The following SDF2 variants were observed in gnomAD, a reference collection of about 807,000 sequenced individuals.
The protein encoded by SDF2 is stromal cell-derived factor 2.
A neutral mutation model predicts 20.5 loss-of-function variants in SDF2; 12 were observed. That is an observed-to-expected ratio of 0.58 (90% CI 0.37 to 0.95). The LOEUF is 0.95. Among genes scored for constraint, SDF2 ranks in the 40% least tolerant of loss-of-function variants. SDF2 has a pLI of 0.01. For synonymous variants in SDF2, 100 were observed against 101.0 expected, an observed-to-expected ratio of 0.99 and a Z score of 0.06; for missense variants, 238 against 263.1, an observed-to-expected ratio of 0.90 and a Z score of 0.66.
chr17:28,652,399 C>T (rs567950964), intron 2 of SDF2, among the ~76,000 whole-genome samples: 1 of 152,280 alleles, frequency 6.6e-6, no homozygotes, highest in South Asian at 2.1e-4. Flanking sequence ...CAACCTCCGC[C>T]TCCCAGGTTC....
intron 1 of SDF2, chr17:28,660,460 C>T (rs1408606147): frequency 2.0e-5 from 3 of 152,428 alleles, no homozygotes; most frequent in South Asian, 4.1e-4. Context: ...GTATCTCAGG[C>T]TCAGCACAGA....
intron 2 of SDF2, among the ~76,000 whole-genome samples, chr17:28,650,367 G>C (rs2071903462): frequency 6.6e-6 from 1 of 151,768 alleles, no homozygotes; most frequent in Admixed American, 6.6e-5. Context: ...CTGAGTCATG[G>C]CATCAAAAAG....
At chr17:28,649,396 T>C in intron 2 of SDF2, 120 bp from the exon 3 acceptor site, 1 of 906,746 alleles carries the variant, frequency 1.1e-6, no homozygotes, top group Non-Finnish European at 1.7e-6. Flanking sequence ...GCCAGGCTTA[T>C]GCCTGTAATC....
At chr17:28,650,497 G>A (rs535162043) in intron 2 of SDF2, among the ~76,000 whole-genome samples, 1 of 151,168 alleles carries the variant, frequency 6.6e-6, no homozygotes, top group Non-Finnish European at 1.5e-5. Context: ...TTAAGAGTTG[G>A]GATTGTGGCC....
Position 28,659,538 on chromosome 17 carries a change from C to T in SDF2, c.151+2188G>A, listed in dbSNP as rs970673507. 6.2e-5 allele frequency among the ~76,000 whole-genome samples: 9 copies of T among 144,600 alleles called. No individual in the cohort carries two copies. The South Asian group carries it at 1.3e-3, about 21-fold the overall frequency. 94.9% of individuals were successfully genotyped at this position (144,600 alleles called of 152,430 possible). On this transcript the variant is annotated intron_variant, in intron 1 of 2. Transcript: ENST00000247020. ...CCCACTTCCCAGATGGGGTGGCAGC[C>T]GGGCAAAGGCACTCCTCACATCCCA...
At chr17:28,660,242 A>G (rs985903215) in intron 1 of SDF2, among the ~76,000 whole-genome samples, 8 of 152,286 alleles carry the variant, frequency 5.3e-5, no homozygotes, top group Admixed American at 4.6e-4. Flanking sequence ...GTGGAAAGAG[A>G]GAAGAGACAA....
chr17:28,652,582 A>G (rs1269091443), intron 2 of SDF2, among the ~76,000 whole-genome samples: 3 of 152,234 alleles, frequency 2.0e-5, no homozygotes, highest in Admixed American at 2.0e-4. Context: ...TGCCGGGATT[A>G]TAGGTGTGAG....
intron 1 of SDF2, chr17:28,657,658 A>G (rs779362607): frequency 6.6e-6 from 1 of 152,048 alleles, no homozygotes; most frequent in Non-Finnish European, 1.5e-5. Context: ...TCAGCCTCCC[A>G]AAGTGCTAGG....
At chr17:28,655,852 G>GC in intron 1 of SDF2, 1 of 242,176 alleles carries the variant, frequency 4.1e-6, no homozygotes, top group African/African-American at 2.2e-5. Flanking sequence ...CAGAGACATG[G>GC]CTAAGCCTTT....
In SDF2 at chr17:28,648,465, G is replaced by A. The variant is rs985791824; in HGVS notation, c.*524C>T. Reference sequence around the variant, plus strand: ...GTCAAAGTAGAGGGAGAAAAGGTTTGTATGCAAGAAAAGCTCTTAAAAGGG... The same window carrying A: ...GTCAAAGTAGAGGGAGAAAAGGTTTATATGCAAGAAAAGCTCTTAAAAGGG... On this transcript the variant is annotated 3_prime_UTR_variant, in exon 3 of 3. Coordinates refer to ENST00000247020, the MANE Select transcript of SDF2 (RefSeq NM_006923.4). 6.5e-6 allele frequency: 1 copy of A among 154,966 alleles called. No individual in the cohort carries two copies. Among genetic ancestry groups the A allele is most frequent in the Non-Finnish European group, 1.4e-5 (1 of 69,834 alleles). 9.6% of individuals were successfully genotyped at this position (154,966 alleles called of 1,614,324 possible).
chr17:28,652,969 G>A (rs1163661480), intron 2 of SDF2, among the ~76,000 whole-genome samples: 1 of 152,114 alleles, frequency 6.6e-6, no homozygotes, highest in Non-Finnish European at 1.5e-5. Flanking sequence ...CTATCCATAA[G>A]TTTATACTAA....
intron 2 of SDF2, 122 bp from the exon 3 acceptor site, chr17:28,649,398 CCTGTAATCCTA>C: frequency 1.1e-6 from 1 of 871,756 alleles, no homozygotes. Context: ...CAGGCTTATG[CCTGTAATCCTA>C]CCACTTTGGG....
At position 28,661,792 on chromosome 17, in the gene SDF2, C is replaced by A. The variant is rs752805028; in HGVS notation, c.85G>T (p.Val29Leu). The A allele has an allele frequency of 1.9e-6, 3 of 1,614,126 alleles. No individual in the cohort carries two copies. The South Asian group carries it at 3.3e-5, about 18-fold the overall frequency. ...TGGCGCGTATTGAGTAGCTTCACCA[C>A]GGAGCCGCAAGTAACGACACCCAGG... ...SSLGVVTCGS[V>L]VKLLNTRHNV... Residue 29 changes from valine (V) to leucine (L), a missense_variant, in exon 1 of 3, where the codon GTG becomes TTG. Transcript: ENST00000247020.
chr17:28,657,571 T>C (rs2071975503), intron 1 of SDF2, among the ~76,000 whole-genome samples: 2 of 151,898 alleles, frequency 1.3e-5, no homozygotes, highest in East Asian at 1.9e-4. Flanking sequence ...CTAATTTTTC[T>C]ATTTTTTGTA....
At chr17:28,655,571 C>T in intron 1 of SDF2, 88 bp from the exon 2 acceptor site, 2 of 1,161,004 alleles carry the variant, frequency 1.7e-6, no homozygotes, top group Non-Finnish European at 2.5e-6. Context: ...CAAGATTCAC[C>T]TTCACCTGTA....
upstream of SDF2, chr17:28,661,979 C>T (rs994116242): frequency 1.5e-6 from 2 of 1,337,888 alleles, no homozygotes; most frequent in Admixed American, 2.2e-5. Flanking sequence ...TGAAGAAGCC[C>T]GAGTCTGATC....
intron 2 of SDF2, among the ~76,000 whole-genome samples, chr17:28,653,386 C>G (rs1028500215): frequency 3.9e-5 from 6 of 152,306 alleles, no homozygotes; most frequent in African/African-American, 1.4e-4. Context: ...ATACACCTGA[C>G]CAGCACTCCT....
rs1436461222 is a variant in SDF2, at chr17:28,659,575, C to T, written c.151+2151G>A. 6.3e-4 allele frequency among the ~76,000 whole-genome samples: 92 copies of T among 146,802 alleles called. 2 individuals are homozygous for T. The highest frequency in any genetic ancestry group is 2.0e-3 in the African/African-American group (79 of 39,380). On this transcript the variant is annotated intron_variant, in intron 1 of 2. Coordinates refer to ENST00000247020, the MANE Select transcript of SDF2 (RefSeq NM_006923.4). ...CTCCTCACATCCCAGATGGCGCGGC[C>T]GGGCAGAGGCGCTCCTCACTTCCCA...
At position 28,655,318 on chromosome 17, in the gene SDF2, T is replaced by C; in HGVS notation, c.317A>G (p.His106Arg). The change falls in exon 2 of 3, where the codon CAC becomes CGC. Residue 106 changes from histidine to arginine, a missense_variant. By Grantham distance (29) the His-to-Arg change is conservative. Transcript: ENST00000247020. ...TCCAGAAAGAGGTGAAGTGAAGTGG[T>C]GACTATGGAGGTTTCGGCCAGTGTT... ...HVNTGRNLHS[H>R]HFTSPLSGNQ... The C allele has an allele frequency of 6.2e-7, 1 of 1,614,164 alleles. No individual in the cohort carries two copies. Among genetic ancestry groups the C allele is most frequent in the Non-Finnish European group, 8.5e-7 (1 of 1,180,038 alleles).
Sources: allele counts gnomAD v4.1 joint callset (sites outside exome capture counted in the v4.1 genomes callset), GRCh38; gene constraint gnomAD v4.1.1; transcripts MANE v1.5; gene names NCBI Gene and HGNC (gene_info 2026-07-23, HGNC 2026-07-21).